Variants in TMEM132D observed in about 807,000 individuals in gnomAD.
The protein encoded by TMEM132D is transmembrane protein 132D, also known as mature OL transmembrane protein.
TMEM132D carries 21 observed loss-of-function variants against 62.3 expected under a neutral mutation model. The observed-to-expected ratio is 0.34, with a 90% confidence interval of 0.24 to 0.49. TMEM132D has a LOEUF of 0.49. Among genes scored for constraint, TMEM132D ranks in the 20% least tolerant of loss-of-function variants. The pLI is 0.99. For missense variants in TMEM132D, 1,346 were observed against 1,402.8 expected (o/e 0.96, Z 0.65); for synonymous variants, 621 against 575.6 (o/e 1.08, Z -1.13).
intron 2 of TMEM132D, among the ~76,000 whole-genome samples, chr12:129,553,242 C>T (rs1213065577): frequency 6.6e-6 from 1 of 152,162 alleles, no homozygotes; most frequent in Non-Finnish European, 1.5e-5. Context: ...TTCACTCTGC[C>T]ACAGTGGCCC....
At chr12:129,661,467 AACT>A (rs1392822385) in intron 2 of TMEM132D, among the ~76,000 whole-genome samples, 2 of 152,204 alleles carry the variant, frequency 1.3e-5, no homozygotes, top group Admixed American at 1.3e-4. Flanking sequence ...TGCCTTAGTG[AACT>A]ACTAACCTAT....
intron 5 of TMEM132D, chr12:129,209,050 TGTAAATCAAAGCTG>T: frequency 6.4e-6 from 1 of 155,532 alleles, no homozygotes. Context: ...TGGCCAGTAC[TGTAAATCAAAGCTG>T]GGAGTAGTTG....
At chr12:129,363,422 G>T (rs751525634) in intron 3 of TMEM132D, among the ~76,000 whole-genome samples, 8 of 152,174 alleles carry the variant, frequency 5.3e-5, no homozygotes, top group Non-Finnish European at 1.2e-4. Context: ...TAAAAGAAAT[G>T]CTTTACATTC....
intron 3 of TMEM132D, among the ~76,000 whole-genome samples, chr12:129,426,917 G>A (rs57808775): frequency 0.038 from 5,822 of 152,272 alleles, 382 homozygotes; most frequent in African/African-American, 0.13. Flanking sequence ...GCCTCTCATA[G>A]GTGGAATGTG....
intron 1 of TMEM132D, among the ~76,000 whole-genome samples, chr12:129,716,268 T>C (rs1034914889): frequency 6.6e-6 from 1 of 152,158 alleles, no homozygotes; most frequent in African/African-American, 2.4e-5. Context: ...ATCTCCTGTA[T>C]GCAAGGGAGT....
At chr12:129,081,569 A>G (rs1874445922) in intron 7 of TMEM132D, among the ~76,000 whole-genome samples, 190 bp downstream of exon 7, 1 of 152,056 alleles carries the variant, frequency 6.6e-6, no homozygotes. Context: ...AAGTGCTGGG[A>G]TTATAAGCGT....
intron 5 of TMEM132D, among the ~76,000 whole-genome samples, chr12:129,100,870 G>C (rs1199395083): frequency 6.6e-6 from 1 of 152,218 alleles, no homozygotes; most frequent in Non-Finnish European, 1.5e-5. Context: ...CAAATGGTCA[G>C]GGTCAAATCC....
intron 4 of TMEM132D, among the ~76,000 whole-genome samples, chr12:129,304,662 C>CTTTTTTTTTTTTTTTTTTTT (rs35812965): frequency 3.2e-5 from 3 of 93,604 alleles, no homozygotes; most frequent in Non-Finnish European, 4.1e-5. Flanking sequence ...ATACTTGGAT[C>CTTTTTTTTTTTTTTTTTTTT]TTTTTTTTTT....
chr12:129,524,823 C>A (rs1875964550), intron 3 of TMEM132D, among the ~76,000 whole-genome samples: 1 of 151,834 alleles, frequency 6.6e-6, no homozygotes, highest in South Asian at 2.1e-4. Flanking sequence ...CCACTGTACT[C>A]CAGCCTAGCG....
At chr12:129,090,156 G>T (rs1025083553) in intron 5 of TMEM132D, among the ~76,000 whole-genome samples, 3 of 152,188 alleles carry the variant, frequency 2.0e-5, no homozygotes, top group Non-Finnish European at 4.4e-5. Context: ...TTAAGAGTGG[G>T]TGGTGCTTGT....
At chr12:129,260,113 T>A (rs976789673) in intron 4 of TMEM132D, among the ~76,000 whole-genome samples, 1 of 151,686 alleles carries the variant, frequency 6.6e-6, no homozygotes, top group African/African-American at 2.4e-5. Flanking sequence ...GAGGAAAGAG[T>A]CTACCACAGA....
chr12:129,516,470 A>G (rs984718644), intron 3 of TMEM132D, among the ~76,000 whole-genome samples: 11 of 152,320 alleles, frequency 7.2e-5, no homozygotes, highest in East Asian at 1.9e-4. Flanking sequence ...GGTGAAAGGC[A>G]CATCTTACAT....
At chr12:129,407,751 A>T (rs1050351244) in intron 3 of TMEM132D, among the ~76,000 whole-genome samples, 1 of 151,906 alleles carries the variant, frequency 6.6e-6, no homozygotes, top group Non-Finnish European at 1.5e-5. Context: ...CTAAAAAAAA[A>T]ATTAGCCGGG....
chr12:129,133,725 T>TG (rs1419968125), intron 5 of TMEM132D, among the ~76,000 whole-genome samples: 2 of 152,242 alleles, frequency 1.3e-5, no homozygotes, highest in Non-Finnish European at 2.9e-5. Flanking sequence ...TGGTGTGTGG[T>TG]GGGCCCCCAG....
chr12:129,815,136 A>C (rs536066118), intron 1 of TMEM132D, among the ~76,000 whole-genome samples: 7 of 152,332 alleles, frequency 4.6e-5, no homozygotes, highest in African/African-American at 1.7e-4. Context: ...CAAGGATTTT[A>C]ATTGCGCTAA....
chr12:129,583,460 T>C (rs961286777), intron 2 of TMEM132D, among the ~76,000 whole-genome samples: 1 of 152,222 alleles, frequency 6.6e-6, no homozygotes, highest in East Asian at 1.9e-4. Context: ...CACAGAACTA[T>C]ACACCACAAT....
intron 2 of TMEM132D, among the ~76,000 whole-genome samples, chr12:129,685,999 A>G (rs891741809): frequency 1.3e-5 from 2 of 152,234 alleles, no homozygotes; most frequent in African/African-American, 4.8e-5. Flanking sequence ...CCTCCATTGT[A>G]TCTAAGTAGT....
At position 129,623,718 on chromosome 12, in the gene TMEM132D, T is replaced by C. The variant is rs111511561; in HGVS notation, c.968+76092A>G. Among the ~76,000 whole-genome samples, 436 of 111,846 alleles carry C rather than the reference T, an allele frequency of 3.9e-3. 1 individual carries two copies. The highest frequency in any genetic ancestry group is 0.012 in the African/African-American group (407 of 33,986). The allele number at this position is 111,846 out of a possible 152,430, so 73.4% of individuals were successfully genotyped here. A position where few individuals can be genotyped will look rare whatever the true frequency, so the allele number is the denominator to read the frequency against. ...ACATATATATACATACATATGCATA[T>C]ATATACATACATATATACATATATA... On this transcript the variant is annotated intron_variant, in intron 2 of 8. Transcript: ENST00000422113.
chr12:129,899,088 C>A (rs143200290), intron 1 of TMEM132D, among the ~76,000 whole-genome samples: 1,544 of 152,144 alleles, frequency 0.01, 69 homozygotes, highest in Admixed American at 0.081. Context: ...AGGCATGTGG[C>A]CTTTGACATT....
Sources: gnomAD v4.1 joint callset for allele counts (sites outside exome capture counted in the v4.1 genomes callset) on GRCh38, gnomAD v4.1.1 for gene constraint, MANE v1.5 for transcripts, NCBI Gene and HGNC (gene_info 2026-07-23, HGNC 2026-07-21) for gene names.